Variants in NCAN observed in about 807,000 individuals in gnomAD.
The protein encoded by NCAN is neurocan.
NCAN carries 47 observed loss-of-function variants against 121.8 expected under a neutral mutation model. The ratio of observed to expected loss-of-function variants is 0.39; its 90% CI spans 0.31 to 0.49. NCAN has a LOEUF of 0.49. Ranked by LOEUF, NCAN falls within the 20% of genes least tolerant of loss-of-function variation. The probability of loss-of-function intolerance (pLI) is 0.92; values close to 1 mark genes in which losing one functional copy is unlikely to be tolerated. For synonymous variants in NCAN, 633 were observed against 702.0 expected (o/e 0.90, Z 1.55); for missense variants, 1,517 against 1,773.4 (o/e 0.86, Z 2.60).
Position 19,250,154 on chromosome 19 carries a change from G to T in NCAN, c.*243G>T. 1.5e-6 allele frequency: 1 copy of T among 660,538 alleles called. No individual in the cohort carries two copies. Among genetic ancestry groups the T allele is most frequent in the Non-Finnish European group, 2.8e-6 (1 of 358,520 alleles). 40.9% of individuals were successfully genotyped at this position (660,538 alleles called of 1,614,324 possible). Reference sequence around the variant, plus strand: ...ATTCTCGTCTGGCTGAACTCTGGGAGTGTGTCCCAGCTGAGGGAAGCACAA... The same window carrying T: ...ATTCTCGTCTGGCTGAACTCTGGGATTGTGTCCCAGCTGAGGGAAGCACAA... On this transcript the variant is annotated 3_prime_UTR_variant, in exon 15 of 15. Coordinates refer to ENST00000252575, the MANE Select transcript of NCAN (RefSeq NM_004386.3).
intron 3 of NCAN, among the ~76,000 whole-genome samples, chr19:19,221,363 T>C (rs2060816111): frequency 6.6e-6 from 1 of 151,474 alleles, no homozygotes; most frequent in Admixed American, 6.6e-5. Flanking sequence ...AGGTCAGGAG[T>C]TCGAGACCAG....
rs368050420 is a variant in NCAN at position 19,226,923 on chromosome 19, A to T, written c.1510A>T (p.Met504Leu). 30 of 1,595,154 alleles carry T rather than the reference A, an allele frequency of 1.9e-5. No homozygotes were observed. In the East Asian group the frequency reaches 2.0e-4, roughly 11 times the overall value. The change falls in exon 7 of 15, where the codon ATG becomes TTG. Residue 504 changes from methionine to leucine, a missense_variant. By Grantham distance (15) the Met-to-Leu change is conservative (BLOSUM62 2). Transcript: ENST00000252575. Reference protein sequence around the residue: ...QEPEPGLQGGMEASAQPPTSE... With the variant: ...QEPEPGLQGGLEASAQPPTSE... ...ACCGGAGCCGGGGCTGCAAGGGGGG[A>T]TGGAGGCCAGCGCCCAGCCCCCCAC... is the stretch of plus-strand genomic sequence containing the variant.
rs781482601 is a variant in NCAN, at chr19:19,234,989, A to G, written c.3143A>G (p.Asp1048Gly). The change falls in exon 10 of 15, where the codon GAT becomes GGT. Residue 1048 changes from aspartate (D) to glycine (G), a missense_variant. By Grantham distance (94) the Asp-to-Gly change is moderately conservative. Coordinates refer to ENST00000252575, the MANE Select transcript of NCAN (RefSeq NM_004386.3). Reference sequence around the variant, plus strand: ...CTCTTCCCCTCTCTGCCAGACATTGATGACTGCCTCTGCAGCCCCTGTGAG... The same window carrying G: ...CTCTTCCCCTCTCTGCCAGACATTGGTGACTGCCTCTGCAGCCCCTGTGAG... ...FAGENCEIDIDDCLCSPCENG... is the reference protein window; with the variant it reads ...FAGENCEIDIGDCLCSPCENG... 2.1e-5 allele frequency: 33 copies of G among 1,608,912 alleles called. No individual in the cohort carries two copies. Among genetic ancestry groups the G allele is most frequent in the Non-Finnish European group, 2.8e-5 (33 of 1,176,224 alleles).
rs1389614198 is a variant in NCAN at position 19,227,845 on chromosome 19, A to G, written c.2225A>G (p.Glu742Gly). The G allele has an allele frequency of 5.0e-6, 8 of 1,613,634 alleles. No individual in the cohort carries two copies. The highest frequency in any genetic ancestry group is 6.8e-6 in the Non-Finnish European group (8 of 1,180,006). The change falls in exon 8 of 15, where the codon GAG becomes GGG. Residue 742 changes from glutamate (E) to glycine (G), a missense_variant. Coordinates refer to ENST00000252575, the MANE Select transcript of NCAN (RefSeq NM_004386.3). The surrounding 1 kb of genome is among the most constrained non-coding windows in gnomAD (Gnocchi z 4.2). ...GTGGCTGTAGGTTTTGTCCCCACTG[A>G]GACTGCCACTGAGCCAACGGGCCTC... ...RNVAVGFVPT[E>G]TATEPTGLRG...
chr19:19,230,734 T>TA (rs1309367883), intron 8 of NCAN, among the ~76,000 whole-genome samples: 1 of 148,638 alleles, frequency 6.7e-6, no homozygotes, highest in Non-Finnish European at 1.5e-5. Flanking sequence ...TTTTTTCCTT[T>TA]TTTTTTTTTT....
chr19:19,242,517 C>G (rs1220117126), intron 12 of NCAN, among the ~76,000 whole-genome samples: 1 of 152,080 alleles, frequency 6.6e-6, no homozygotes, highest in Non-Finnish European at 1.5e-5. Flanking sequence ...TGGTGAAACC[C>G]TGTCTCTACT....
intron 13 of NCAN, among the ~76,000 whole-genome samples, chr19:19,246,996 G>A (rs569878167): frequency 6.2e-4 from 95 of 152,124 alleles, no homozygotes; most frequent in African/African-American, 2.2e-3. Context: ...GTATACATTT[G>A]TACATCCACC....
chr19:19,218,234 T>C (rs775160943), intron 2 of NCAN, among the ~76,000 whole-genome samples: 42 of 152,064 alleles, frequency 2.8e-4, no homozygotes, highest in Middle Eastern at 3.4e-3. Context: ...GCTGAGATCA[T>C]GCCACTGCAC....
intron 2 of NCAN, among the ~76,000 whole-genome samples, chr19:19,217,638 C>A (rs1454676348): frequency 6.6e-6 from 1 of 152,188 alleles, no homozygotes; most frequent in East Asian, 1.9e-4. Context: ...AAATGCCTCT[C>A]CCAGGGCCAT....
At chr19:19,221,214 C>T (rs2060815535) in intron 3 of NCAN, among the ~76,000 whole-genome samples, 1 of 151,844 alleles carries the variant, frequency 6.6e-6, no homozygotes, top group South Asian at 2.1e-4. Flanking sequence ...GCACTCCAGC[C>T]TGGGCAACAC....
At position 19,226,757 on chromosome 19, in the gene NCAN, A is replaced by G; in HGVS notation, c.1344A>G (p.Leu448=). The change falls in exon 7 of 15, where the codon CTA becomes CTG. Residue 448 remains leucine (L), a synonymous_variant. Coordinates refer to ENST00000252575, the MANE Select transcript of NCAN (RefSeq NM_004386.3). ...CATGGCCCACTGGGGAAGTGTGGCTAAGCACGGTGGCCCCCAGCCCTAGCG... is the reference window on the plus strand; with the variant it reads ...CATGGCCCACTGGGGAAGTGTGGCTGAGCACGGTGGCCCCCAGCCCTAGCG... ...LASWPTGEVW[L]STVAPSPSDM... is the part of the protein sequence containing the mutation. 6.2e-7 allele frequency: 1 copy of G among 1,613,392 alleles called. No individual in the cohort carries two copies. The highest frequency in any genetic ancestry group is 8.5e-7 in the Non-Finnish European group (1 of 1,179,830).
Position 19,219,207 on chromosome 19 carries a change from C to T in NCAN, c.366C>T (p.Asn122=), listed in dbSNP as rs141404643. The T allele has an allele frequency of 3.5e-5, 56 of 1,610,200 alleles. No individual in the cohort carries two copies. Among genetic ancestry groups the T allele is most frequent in the African/African-American group, 3.1e-4 (23 of 75,058 alleles). The change falls in exon 3 of 15, where the codon AAC becomes AAT. Residue 122 remains asparagine (N), a synonymous_variant. Transcript: ENST00000252575. ...CTTCCTACCCCCGGCGCCGAGCCAACGCCACGCTACTTCTGGGGCCACTGA... is the reference window on the plus strand; with the variant it reads ...CTTCCTACCCCCGGCGCCGAGCCAATGCCACGCTACTTCTGGGGCCACTGA... ...SLPSYPRRRA[N]ATLLLGPLRA...
At chr19:19,230,944 C>T (rs1463399795) in intron 8 of NCAN, among the ~76,000 whole-genome samples, 1 of 146,948 alleles carries the variant, frequency 6.8e-6, no homozygotes, top group Non-Finnish European at 1.5e-5. Context: ...TGGGGTCTCC[C>T]TATGTTATCC....
rs375782865 is a variant in NCAN at position 19,249,922 on chromosome 19, A to G, written c.*11A>G. ...GGGAATTTCTGCTGAAGAACCAGAAAAAAGAAAGCACAACACCTTTCCCAT... is the reference window on the plus strand; with the variant it reads ...GGGAATTTCTGCTGAAGAACCAGAAGAAAGAAAGCACAACACCTTTCCCAT... On this transcript the variant is annotated 3_prime_UTR_variant, in exon 15 of 15. Coordinates refer to ENST00000252575, the MANE Select transcript of NCAN (RefSeq NM_004386.3). 1.6e-4 allele frequency: 257 copies of G among 1,609,992 alleles called. 5 individuals are homozygous for G. In the Admixed American group the frequency reaches 3.3e-3, roughly 21 times the overall value.
chr19:19,213,610 A>G (rs2060784100), intron 1 of NCAN, among the ~76,000 whole-genome samples: 2 of 151,470 alleles, frequency 1.3e-5, no homozygotes, highest in South Asian at 4.2e-4. Flanking sequence ...GTCACTGTGA[A>G]TCTGTGTGAG....
chr19:19,239,885 T>C (rs2060897086), intron 11 of NCAN, among the ~76,000 whole-genome samples: 1 of 117,800 alleles, frequency 8.5e-6, no homozygotes, highest in Non-Finnish European at 1.7e-5. Flanking sequence ...TTCATCTTTC[T>C]CCTCCTTTCT....
Position 19,226,684 on chromosome 19 carries a change from A to G in NCAN, c.1271A>G (p.Glu424Gly). ...ACCCTGATTTTGGAGGAGAAGCAGG[A>G]GTCTCAACAGACCCTCAGCCCTACC... Reference protein sequence around the residue: ...EETLILEEKQESQQTLSPTPG... With the variant: ...EETLILEEKQGSQQTLSPTPG... Residue 424 changes from glutamate to glycine, a missense_variant, in exon 7 of 15, where the codon GAG becomes GGG. Transcript: ENST00000252575. 2 of 1,613,546 alleles carry G rather than the reference A, an allele frequency of 1.2e-6. No individual in the cohort carries two copies. Among genetic ancestry groups the G allele is most frequent in the Non-Finnish European group, 1.7e-6 (2 of 1,179,712 alleles).
chr19:19,221,512 G>A (rs2060816651), intron 3 of NCAN, among the ~76,000 whole-genome samples: 1 of 151,914 alleles, frequency 6.6e-6, no homozygotes, highest in Admixed American at 6.6e-5. Flanking sequence ...AGGTTGAGGT[G>A]AGCCGAGATT....
rs561970535 is a variant in NCAN at position 19,248,734 on chromosome 19, C to T, written c.3672C>T (p.Ala1224=). The change falls in exon 14 of 15, where the codon GCC becomes GCT. Residue 1224 remains alanine (A), a synonymous_variant. Coordinates refer to ENST00000252575, the MANE Select transcript of NCAN (RefSeq NM_004386.3). ...GTCCCCCTCCGGCAGTGGAGAATGC[C>T]TCACTCATCGGTGCCCGCAAGGCCA... is the stretch of plus-strand genomic sequence containing the variant. ...LCGPPPAVEN[A]SLIGARKAKY... is the part of the protein sequence containing the mutation. 1.4e-5 allele frequency: 22 copies of T among 1,614,210 alleles called. No individual in the cohort carries two copies. The highest frequency in any genetic ancestry group is 1.7e-4 in the Middle Eastern group (1 of 6,060).
Sources: gnomAD v4.1 joint callset for allele counts (sites outside exome capture counted in the v4.1 genomes callset) on GRCh38, gnomAD v4.1.1 for gene constraint, Gnocchi (gnomAD v3.1) non-coding constraint, MANE v1.5 for transcripts, NCBI Gene and HGNC (gene_info 2026-07-23, HGNC 2026-07-21) for gene names.